ACTA1: variants seen among roughly 807,000 people sequenced by gnomAD.
ACTA1 encodes the protein actin, alpha skeletal muscle.
ACTA1 carries 25 observed loss-of-function variants against 35.8 expected under a neutral mutation model. That is an observed-to-expected ratio of 0.70 (90% CI 0.51 to 0.97). ACTA1 has a LOEUF of 0.97. Ranked by LOEUF, ACTA1 falls within the 50% of genes least tolerant of loss-of-function variation. The probability of loss-of-function intolerance (pLI) is 0.00; values close to 1 mark genes in which losing one functional copy is unlikely to be tolerated. For synonymous variants in ACTA1, 219 were observed against 217.1 expected (o/e 1.01, Z -0.08); for missense variants, 174 against 533.0 (o/e 0.33, Z 6.63).
chr1:229,432,205 G>A lies in ACTA1; in HGVS notation c.617-20C>T, dbSNP rs1486534215. 1 of 1,613,248 alleles carries A rather than the reference G, an allele frequency of 6.2e-7. No homozygotes were observed. Among genetic ancestry groups the A allele is most frequent in the Admixed American group, 1.7e-5 (1 of 59,968 alleles). On this transcript the variant is annotated intron_variant, in intron 4 of 6. Coordinates refer to ENST00000366684, the MANE Select transcript of ACTA1 (RefSeq NM_001100.4). ...GCTCAGCTGCGGAGGGCAGAAGCAG[G>A]AGAGGAGCCCTCACTCAGGGGCCGC...
rs1558082085 is a variant in ACTA1 at position 229,432,805 on chromosome 1, G to T, written c.205C>A (p.Leu69Met). 1 of 1,614,204 alleles carries T rather than the reference G, an allele frequency of 6.2e-7. No individual in the cohort carries two copies. The highest frequency in any genetic ancestry group is 2.2e-5 in the East Asian group (1 of 44,874). The change falls in exon 3 of 7, where the codon CTG becomes ATG. Residue 69 changes from leucine (L) to methionine (M), a missense_variant. Coordinates refer to ENST00000366684, the MANE Select transcript of ACTA1 (RefSeq NM_001100.4). ...EAQSKRGILT[L>M]KYPIEHGIIT... ...ATGCCGTGCTCGATAGGGTACTTCAGGGTCAGGATACCTCTCTTGCTCTGA... is the reference window on the plus strand; with the variant it reads ...ATGCCGTGCTCGATAGGGTACTTCATGGTCAGGATACCTCTCTTGCTCTGA...
chr1:229,431,850 AC>A lies in ACTA1; in HGVS notation c.860del (p.Cys287LeufsTer41). On this transcript the variant is annotated frameshift_variant, in exon 6 of 7. Coordinates refer to ENST00000366684, the MANE Select transcript of ACTA1 (RefSeq NM_001100.4). LOFTEE classifies it high-confidence loss of function. The surrounding 1 kb of genome is among the most constrained non-coding windows in gnomAD (Gnocchi z 7.1). ...ACAGGTCCTTCCTGATGTCGATGTCACACTTCATGATGCTGTTGTAGGTGGT... is the reference window on the plus strand; with the variant it reads ...ACAGGTCCTTCCTGATGTCGATGTCAACTTCATGATGCTGTTGTAGGTGGT... ...HETTYNSIMK[C>X]DIDIRKDLYA... 1 of 1,614,016 alleles carries A rather than the reference AC, an allele frequency of 6.2e-7. No homozygotes were observed. The highest frequency in any genetic ancestry group is 1.1e-5 in the South Asian group (1 of 91,074).
In ACTA1 at chr1:229,431,400, GT is replaced by G; in HGVS notation, c.*98del. The G allele has an allele frequency of 6.6e-7, 1 of 1,517,556 alleles. No homozygotes were observed. The highest frequency in any genetic ancestry group is 2.3e-5 in the East Asian group (1 of 44,426). 94.0% of individuals were successfully genotyped at this position (1,517,556 alleles called of 1,614,324 possible). Reference sequence around the variant, plus strand: ...GTTTACGATGGCAGCAACGGAAGTTGTTACAAAGAAAGTGACTGCGGGGTGG... The same window carrying G: ...GTTTACGATGGCAGCAACGGAAGTTGTACAAAGAAAGTGACTGCGGGGTGG... On this transcript the variant is annotated 3_prime_UTR_variant, in exon 7 of 7. Coordinates refer to ENST00000366684, the MANE Select transcript of ACTA1 (RefSeq NM_001100.4). This position sits in a 1 kb window ranked among gnomAD's most constrained non-coding sequence, Gnocchi z 7.1.
rs770414205 is a variant in ACTA1 at position 229,432,068 on chromosome 1, G to A, written c.734C>T (p.Pro245Leu). The part of the protein sequence containing the change: ...SSSLEKSYEL[P>L]DGQVITIGNE... ...GCCGATGGTGATGACCTGCCCGTCT[G>A]GCAGCTCGTAGCTCTTTTCCAGGGA... Residue 245 changes from proline (P) to leucine (L), a missense_variant, in exon 5 of 7, where the codon CCA (proline) becomes CTA (leucine). By Grantham distance (98) the Pro-to-Leu change is moderately conservative. Transcript: ENST00000366684. 1 of 1,612,704 alleles carries A rather than the reference G, an allele frequency of 6.2e-7. No individual in the cohort carries two copies. Among genetic ancestry groups the A allele is most frequent in the Non-Finnish European group, 8.5e-7 (1 of 1,179,842 alleles).
At chr1:229,433,223 C>G (rs1659992153) in intron 1 of ACTA1, 96 bp from the exon 2 acceptor site, 5 of 1,548,950 alleles carry the variant, frequency 3.2e-6, no homozygotes, top group Non-Finnish European at 3.5e-6. Flanking sequence ...GACGTCCTCC[C>G]TCCCCAGGAA....
In ACTA1 at chr1:229,431,695, G is replaced by A. The variant is rs201696359; in HGVS notation, c.990+26C>T. Reference sequence around the variant, plus strand: ...ACCTCACCCTGGAGCCCACCCCGCCGACAGCCCGCGCAGGCCACCACCCAC... The same window carrying A: ...ACCTCACCCTGGAGCCCACCCCGCCAACAGCCCGCGCAGGCCACCACCCAC... On this transcript the variant is annotated intron_variant, in intron 6 of 6. Coordinates refer to ENST00000366684, the MANE Select transcript of ACTA1 (RefSeq NM_001100.4). This position sits in a 1 kb window ranked among gnomAD's most constrained non-coding sequence, Gnocchi z 7.1. 5 of 1,614,062 alleles carry A rather than the reference G, an allele frequency of 3.1e-6. No homozygotes were observed. Among genetic ancestry groups the A allele is most frequent in the East Asian group, 2.2e-5 (1 of 44,878 alleles).
chr1:229,433,212 C>G (rs1659991898), intron 1 of ACTA1, 85 bp from the exon 2 acceptor site: 18 of 1,577,084 alleles, frequency 1.1e-5, no homozygotes, highest in Non-Finnish European at 1.6e-5. Context: ...TGGCTGGCCC[C>G]GACGTCCTCC....
Position 229,433,047 on chromosome 1 carries a change from G to A in ACTA1, c.69C>T (p.Phe23=), listed in dbSNP as rs1339913000. The change falls in exon 2 of 7, where the codon TTC becomes TTT. Residue 23 remains phenylalanine, a synonymous_variant. Transcript: ENST00000366684. ...DNGSGLVKAG[F]AGDDAPRAVF... ...CGGCCCTAGGGGCGTCATCCCCGGC[G>A]AAGCCGGCTTTCACCAGGCCGGAGC... is the stretch of plus-strand genomic sequence containing the variant. 6.2e-7 allele frequency: 1 copy of A among 1,613,998 alleles called. No homozygotes were observed. Among genetic ancestry groups the A allele is most frequent in the African/African-American group, 1.3e-5 (1 of 75,072 alleles).
intron 1 of ACTA1, among the ~76,000 whole-genome samples, chr1:229,433,436 C>T (rs1659997040): frequency 6.6e-6 from 1 of 152,218 alleles, no homozygotes; most frequent in Admixed American, 6.5e-5. Context: ...TGCCTGACAC[C>T]TGTTCCAGGA....
chr1:229,433,844 G>T (rs886211843), intron 1 of ACTA1, among the ~76,000 whole-genome samples, 160 bp downstream of exon 1: 37 of 152,066 alleles, frequency 2.4e-4, no homozygotes, highest in Non-Finnish European at 4.1e-4. Flanking sequence ...TGACTGTCTT[G>T]CCTCCTTTTT....
At position 229,432,258 on chromosome 1, in the gene ACTA1, G is replaced by A. The variant is rs1447850187; in HGVS notation, c.616+12C>T. On this transcript the variant is annotated intron_variant, in intron 4 of 6. Coordinates refer to ENST00000366684, the MANE Select transcript of ACTA1 (RefSeq NM_001100.4). ...CCGGCCCTCCCGCCCGGGGTGCAGG[G>A]GCGCCGCGCACCTGTGGTCACGAAG... The A allele has an allele frequency of 4.3e-6, 7 of 1,613,516 alleles. No homozygotes were observed. Among genetic ancestry groups the A allele is most frequent in the Non-Finnish European group, 5.9e-6 (7 of 1,179,720 alleles).
rs1659939724 is a variant in ACTA1 at position 229,431,717 on chromosome 1, C to T, written c.990+4G>A. The stretch of plus-strand genomic sequence containing the variant: ...GCCGACAGCCCGCGCAGGCCACCAC[C>T]CACCTTGATCTTCATGGTGCTGGGT... On this transcript the variant is annotated splice_donor_region_variant and intron_variant, in intron 6 of 6. Transcript: ENST00000366684. The surrounding 1 kb of genome is among the most constrained non-coding windows in gnomAD (Gnocchi z 7.1). 6.2e-7 allele frequency: 1 copy of T among 1,614,122 alleles called. No homozygotes were observed. Among genetic ancestry groups the T allele is most frequent in the Non-Finnish European group, 8.5e-7 (1 of 1,180,014 alleles).
Position 229,432,550 on chromosome 1 carries a change from A to T in ACTA1, c.454+6T>A, listed in dbSNP as rs770722574. On this transcript the variant is annotated splice_donor_region_variant and intron_variant, in intron 3 of 6. Coordinates refer to ENST00000366684, the MANE Select transcript of ACTA1 (RefSeq NM_001100.4). ...GGAGAGGGGACTGGGGGCAGCGGGCACTCACCGGTGGTCCTGCCGGAGGCG... is the reference window on the plus strand; with the variant it reads ...GGAGAGGGGACTGGGGGCAGCGGGCTCTCACCGGTGGTCCTGCCGGAGGCG... 1 of 1,604,942 alleles carries T rather than the reference A, an allele frequency of 6.2e-7. No homozygotes were observed. The highest frequency in any genetic ancestry group is 8.5e-7 in the Non-Finnish European group (1 of 1,176,462).
chr1:229,431,926 G>A lies in ACTA1; in HGVS notation c.809-24C>T. The A allele has an allele frequency of 6.2e-7, 1 of 1,605,520 alleles. No individual in the cohort carries two copies. The highest frequency in any genetic ancestry group is 8.5e-7 in the Non-Finnish European group (1 of 1,176,888). On this transcript the variant is annotated intron_variant, in intron 5 of 6. Transcript: ENST00000366684. The surrounding 1 kb of genome is among the most constrained non-coding windows in gnomAD (Gnocchi z 7.1). The stretch of plus-strand genomic sequence containing the variant: ...ACCTGGGGACCGCGGCGGGGAGCGT[G>A]AGCAGAAGCTCGGGGCGCCGGGGGC...
In ACTA1 at chr1:229,433,044, G is replaced by C. The variant is rs1299744346; in HGVS notation, c.72C>G (p.Ala24=). ...NGSGLVKAGF[A]GDDAPRAVFP... Reference sequence around the variant, plus strand: ...ACACGGCCCTAGGGGCGTCATCCCCGGCGAAGCCGGCTTTCACCAGGCCGG... The same window carrying C: ...ACACGGCCCTAGGGGCGTCATCCCCCGCGAAGCCGGCTTTCACCAGGCCGG... Residue 24 remains alanine (A), a synonymous_variant, in exon 2 of 7, where the codon GCC becomes GCG. Transcript: ENST00000366684. The C allele has an allele frequency of 1.9e-6, 3 of 1,613,952 alleles. No individual in the cohort carries two copies. The highest frequency in any genetic ancestry group is 2.5e-6 in the Non-Finnish European group (3 of 1,179,902).
Position 229,431,826 on chromosome 1 carries a change from C to G in ACTA1, c.885G>C (p.Leu295=). Reference sequence around the variant, plus strand: ...CCCCCGACATGACGTTGTTGGCATACAGGTCCTTCCTGATGTCGATGTCAC... The same window carrying G: ...CCCCCGACATGACGTTGTTGGCATAGAGGTCCTTCCTGATGTCGATGTCAC... ...MKCDIDIRKD[L]YANNVMSGGT... is the part of the protein sequence containing the mutation. The change falls in exon 6 of 7, where the codon CTG becomes CTC. Residue 295 remains leucine (L), a synonymous_variant. Coordinates refer to ENST00000366684, the MANE Select transcript of ACTA1 (RefSeq NM_001100.4). The surrounding 1 kb of genome is among the most constrained non-coding windows in gnomAD (Gnocchi z 7.1). The G allele has an allele frequency of 6.2e-7, 1 of 1,614,192 alleles. No individual in the cohort carries two copies. The highest frequency in any genetic ancestry group is 8.5e-7 in the Non-Finnish European group (1 of 1,180,028).
Position 229,431,394 on chromosome 1 carries a change from G to A in ACTA1, c.*105C>T. 2 of 1,450,384 alleles carry A rather than the reference G, an allele frequency of 1.4e-6. No homozygotes were observed. The highest frequency in any genetic ancestry group is 2.3e-5 in the South Asian group (2 of 87,548). The allele number at this position is 1,450,384 out of a possible 1,614,324, so 89.8% of individuals were successfully genotyped here. A position where few individuals can be genotyped will look rare whatever the true frequency, so the allele number is the denominator to read the frequency against. On this transcript the variant is annotated 3_prime_UTR_variant, in exon 7 of 7. Coordinates refer to ENST00000366684, the MANE Select transcript of ACTA1 (RefSeq NM_001100.4). This position sits in a 1 kb window ranked among gnomAD's most constrained non-coding sequence, Gnocchi z 7.1. ...GTGTCAGTTTACGATGGCAGCAACG[G>A]AAGTTGTTACAAAGAAAGTGACTGC... is the stretch of plus-strand genomic sequence containing the variant.
Position 229,431,799 on chromosome 1 carries a change from GC to G in ACTA1, c.911del (p.Gly304AlafsTer24). ...CAGCGATCCCAGGGTACATCGTGGT[GC>G]CCCCCGACATGACGTTGTTGGCATA... The part of the protein sequence containing the change: ...DLYANNVMSG[G>X]TTMYPGIADR... On this transcript the variant is annotated frameshift_variant, in exon 6 of 7. Coordinates refer to ENST00000366684, the MANE Select transcript of ACTA1 (RefSeq NM_001100.4). LOFTEE classifies it high-confidence loss of function. This position sits in a 1 kb window ranked among gnomAD's most constrained non-coding sequence, Gnocchi z 7.1. The G allele has an allele frequency of 3.7e-6, 6 of 1,614,142 alleles. No homozygotes were observed. Among genetic ancestry groups the G allele is most frequent in the Non-Finnish European group, 5.1e-6 (6 of 1,180,018 alleles).
In ACTA1 at chr1:229,433,191, G is replaced by C. The variant is rs1031564953; in HGVS notation, c.-12-64C>G. On this transcript the variant is annotated intron_variant, in intron 1 of 6. Transcript: ENST00000366684. ...CAGCGCAGAAGTCTCAGCGGCAGGGGGGGGTAAGCCTGGCTGGCCCCGACG... is the reference window on the plus strand; with the variant it reads ...CAGCGCAGAAGTCTCAGCGGCAGGGCGGGGTAAGCCTGGCTGGCCCCGACG... 3.5e-4 allele frequency: 570 copies of C among 1,609,046 alleles called. 1 individual carries two copies. Among genetic ancestry groups the C allele is most frequent in the Non-Finnish European group, 4.3e-4 (508 of 1,176,918 alleles).
Sources: gnomAD v4.1 joint callset for allele counts (sites outside exome capture counted in the v4.1 genomes callset) on GRCh38, gnomAD v4.1.1 for gene constraint, Gnocchi (gnomAD v3.1) non-coding constraint, MANE v1.5 for transcripts, NCBI Gene and HGNC (gene_info 2026-07-23, HGNC 2026-07-21) for gene names.